The following SMAD2 variants were observed in gnomAD, a reference collection of about 807,000 sequenced individuals.
SMAD2 encodes the protein SMAD family member 2.
Under a neutral mutation model 64.4 loss-of-function variants are expected in SMAD2, and 8 were observed. The ratio of observed to expected loss-of-function variants is 0.12; its 90% CI spans 0.07 to 0.22. The LOEUF is 0.22. Among genes scored for constraint, SMAD2 ranks in the 10% least tolerant of loss-of-function variants. SMAD2 has a pLI of 1.00. For missense variants in SMAD2, 289 were observed against 561.2 expected (o/e 0.51, Z 4.90); for synonymous variants, 203 against 195.8 (o/e 1.04, Z -0.31).
chr18:47,850,967 A>G (rs1015613541), intron 7 of SMAD2, among the ~76,000 whole-genome samples: 1 of 142,334 alleles, frequency 7.0e-6, no homozygotes, highest in African/African-American at 2.6e-5. Context: ...TAATTACATC[A>G]TAAAATAAAC....
rs868080951 is a variant in SMAD2 at position 47,840,528 on chromosome 18, C to T, written c.*1299G>A. 2.5e-4 allele frequency: 58 copies of T among 232,186 alleles called. No individual in the cohort carries two copies. In the Middle Eastern group the frequency reaches 3.8e-3, roughly 15 times the overall value. The allele number at this position is 232,186 out of a possible 1,614,324, so 14.4% of individuals were successfully genotyped here. On this transcript the variant is annotated 3_prime_UTR_variant, in exon 11 of 11. Coordinates refer to ENST00000262160, the MANE Select transcript of SMAD2 (RefSeq NM_005901.6). ...AACTTGCTAAATAAATGGCTTTTCC[C>T]CCAATTTTTAAAATTCTGAATTCAT...
At chr18:47,861,200 C>T (rs545419150) in intron 6 of SMAD2, among the ~76,000 whole-genome samples, 2 of 151,916 alleles carry the variant, frequency 1.3e-5, no homozygotes, top group Non-Finnish European at 1.5e-5. Flanking sequence ...TACTAAAATA[C>T]GAAAAATAAG....
chr18:47,851,175 C>G, intron 7 of SMAD2, 99 bp downstream of exon 7: 1 of 870,972 alleles, frequency 1.1e-6, no homozygotes, highest in Non-Finnish European at 1.9e-6. Context: ...ATTAGGATCC[C>G]TTTCTCGGAT....
In SMAD2 at chr18:47,845,716, T is replaced by C. The variant is rs2144290354; in HGVS notation, c.1082A>G (p.Asn361Ser). 2 of 1,613,916 alleles carry C rather than the reference T, an allele frequency of 1.2e-6. No homozygotes were observed. Among genetic ancestry groups the C allele is most frequent in the Non-Finnish European group, 8.5e-7 (1 of 1,179,858 alleles). Residue 361 changes from asparagine (N) to serine (S), a missense_variant, in exon 9 of 11, where the codon AAT becomes AGT. Asn to Ser is a conservative substitution (Grantham distance 46). Coordinates refer to ENST00000262160, the MANE Select transcript of SMAD2 (RefSeq NM_005901.6). ...GTGCCAGCCATATCTCTGATTACAA[T>C]TGGGGCTCTGCACAAAGATTGCACT... Reference protein sequence around the residue: ...SDSAIFVQSPNCNQRYGWHPA... With the variant: ...SDSAIFVQSPSCNQRYGWHPA...
chr18:47,896,527 A>T lies in SMAD2; in HGVS notation c.230T>A (p.Ile77Lys), dbSNP rs1326742866. Residue 77 changes from isoleucine (I) to lysine (K), a missense_variant, in exon 2 of 11, where the codon ATA becomes AAA. Ile to Lys is a moderately radical substitution (Grantham distance 102). This residue lies in a region of SMAD2 where 89 missense variants were observed against 137.1 expected (regional missense o/e 0.65). Transcript: ENST00000262160. The stretch of plus-strand genomic sequence containing the variant: ...GGGATCTAACAAAACTTACCTTGGT[A>T]TGGTAACACATTTAGTATTACAGTT... The part of the protein sequence containing the change: ...TQNCNTKCVT[I>K]PSTCSEIWGL... The T allele has an allele frequency of 6.2e-7, 1 of 1,614,192 alleles. No individual in the cohort carries two copies. The highest frequency in any genetic ancestry group is 8.5e-7 in the Non-Finnish European group (1 of 1,180,000).
rs375847107 is a variant in SMAD2, at chr18:47,831,653, T to C, written c.*10174A>G. 28 of 151,878 alleles carry C rather than the reference T, an allele frequency of 1.8e-4. No homozygotes were observed. Among genetic ancestry groups the C allele is most frequent in the Middle Eastern group, 3.2e-3 (1 of 316 alleles). The allele number at this position is 151,878 out of a possible 1,614,324, so 9.4% of individuals were successfully genotyped here. A position where few individuals can be genotyped will look rare whatever the true frequency, so the allele number is the denominator to read the frequency against. The stretch of plus-strand genomic sequence containing the variant: ...TCTCATGTAGCTTCCTAAGTATGCT[T>C]AGTCTATTGTTCATTTATCACTGAA... On this transcript the variant is annotated 3_prime_UTR_variant, in exon 11 of 11. Transcript: ENST00000262160.
intron 1 of SMAD2, among the ~76,000 whole-genome samples, chr18:47,919,605 G>A (rs558870090): frequency 6.6e-4 from 101 of 152,140 alleles, no homozygotes; most frequent in African/African-American, 2.3e-3. Flanking sequence ...TGACTGCGGC[G>A]TACTAGGTGT....
At position 47,830,716 on chromosome 18, in the gene SMAD2, G is replaced by GT. The variant is rs1912955032; in HGVS notation, c.*11110dup. On this transcript the variant is annotated 3_prime_UTR_variant, in exon 11 of 11. Transcript: ENST00000262160. Reference sequence around the variant, plus strand: ...TTTGATCAAATACTGCCACAATATAGTTTAGAGGCAAGACCTCTCATGAAG... The same window carrying GT: ...TTTGATCAAATACTGCCACAATATAGTTTTAGAGGCAAGACCTCTCATGAAG... 1.3e-5 allele frequency: 2 copies of GT among 153,016 alleles called. No homozygotes were observed. The highest frequency in any genetic ancestry group is 1.3e-4 in the Admixed American group (2 of 15,312). The allele number at this position is 153,016 out of a possible 1,614,324, so 9.5% of individuals were successfully genotyped here. A position where few individuals can be genotyped will look rare whatever the true frequency, so the allele number is the denominator to read the frequency against.
At chr18:47,923,583 G>A (rs2034647989) in intron 1 of SMAD2, 2 of 152,186 alleles carry the variant, frequency 1.3e-5, no homozygotes, top group South Asian at 4.1e-4. Flanking sequence ...GATAGAGCAG[G>A]TCTACAGCAA....
At chr18:47,858,230 C>T (rs1252891046) in intron 6 of SMAD2, among the ~76,000 whole-genome samples, 1 of 151,930 alleles carries the variant, frequency 6.6e-6, no homozygotes, top group Non-Finnish European at 1.5e-5. Flanking sequence ...TAACTGGACA[C>T]AAATTATCGA....
At chr18:47,894,054 A>G (rs569624402) in intron 2 of SMAD2, among the ~76,000 whole-genome samples, 1 of 152,340 alleles carries the variant, frequency 6.6e-6, no homozygotes, top group South Asian at 2.1e-4. Flanking sequence ...AGAATGGGAA[A>G]TAAGGAAAAG....
chr18:47,868,844 A>G (rs972180306), intron 4 of SMAD2, among the ~76,000 whole-genome samples: 2 of 152,228 alleles, frequency 1.3e-5, no homozygotes, highest in African/African-American at 4.8e-5. Context: ...AGCTAACTAA[A>G]TGAAAAGTCT....
rs1913272335 is a variant in SMAD2, at chr18:47,834,920, C to T, written c.*6907G>A. ...AAAGGCTGCCAGCTGGAGACACAGCCCTCCGATTACAAAGGCCCAGAATGT... is the reference window on the plus strand; with the variant it reads ...AAAGGCTGCCAGCTGGAGACACAGCTCTCCGATTACAAAGGCCCAGAATGT... On this transcript the variant is annotated 3_prime_UTR_variant, in exon 11 of 11. Coordinates refer to ENST00000262160, the MANE Select transcript of SMAD2 (RefSeq NM_005901.6). 1.3e-5 allele frequency: 3 copies of T among 222,968 alleles called. No homozygotes were observed. Among genetic ancestry groups the T allele is most frequent in the South Asian group, 1.8e-4 (1 of 5,432 alleles). The allele number at this position is 222,968 out of a possible 1,614,324, so 13.8% of individuals were successfully genotyped here. A position where few individuals can be genotyped will look rare whatever the true frequency, so the allele number is the denominator to read the frequency against.
At chr18:47,888,465 G>C (rs1246245512) in intron 2 of SMAD2, among the ~76,000 whole-genome samples, 1 of 152,204 alleles carries the variant, frequency 6.6e-6, no homozygotes, top group Non-Finnish European at 1.5e-5. Context: ...AGGCTAAAGA[G>C]CTCATACTTT....
intron 2 of SMAD2, chr18:47,895,791 A>G (rs2033412250): frequency 6.6e-6 from 1 of 152,358 alleles, no homozygotes; most frequent in African/African-American, 2.4e-5. Context: ...ATGGTTTCAC[A>G]TGCTATATGC....
Position 47,822,805 on chromosome 18 carries a change from T to C in SMAD2, c.*19022A>G, listed in dbSNP as rs1408081189. 6.6e-6 allele frequency: 1 copy of C among 152,248 alleles called. No individual in the cohort carries two copies. Among genetic ancestry groups the C allele is most frequent in the Admixed American group, 6.6e-5 (1 of 15,266 alleles). 9.4% of individuals were successfully genotyped at this position (152,248 alleles called of 1,614,324 possible). On this transcript the variant is annotated 3_prime_UTR_variant, in exon 11 of 11. Transcript: ENST00000262160. Reference sequence around the variant, plus strand: ...AGCAATTCTGTCTCAGCCTCCCAAGTAGCTGGGACTACAGGCATGCACCAC... The same window carrying C: ...AGCAATTCTGTCTCAGCCTCCCAAGCAGCTGGGACTACAGGCATGCACCAC...
intron 6 of SMAD2, among the ~76,000 whole-genome samples, chr18:47,862,442 T>C (rs951897738): frequency 3.3e-5 from 5 of 152,230 alleles, no homozygotes; most frequent in African/African-American, 1.2e-4. Flanking sequence ...TGCCTTTCTC[T>C]TAAGCTTTTG....
intron 1 of SMAD2, among the ~76,000 whole-genome samples, chr18:47,913,244 T>C (rs943955382): frequency 3.9e-5 from 6 of 152,170 alleles, no homozygotes; most frequent in Non-Finnish European, 7.4e-5. Flanking sequence ...TTAGGAGAAA[T>C]GTTTCTTATG....
chr18:47,909,069 A>G (rs1033140111), intron 1 of SMAD2, among the ~76,000 whole-genome samples: 1 of 32,932 alleles, frequency 3.0e-5, no homozygotes, highest in African/African-American at 8.2e-5. Context: ...AACTACAGCT[A>G]AAAAAAAAAA....
Sources: allele counts gnomAD v4.1 joint callset (sites outside exome capture counted in the v4.1 genomes callset), GRCh38; gene constraint gnomAD v4.1.1; regional missense constraint gnomAD v4.1.1; transcripts MANE v1.5; gene names NCBI Gene and HGNC (gene_info 2026-07-23, HGNC 2026-07-21).